Variants in EPB41 observed in about 807,000 individuals in gnomAD.
The protein encoded by EPB41 is protein 4.1.
EPB41 carries 65 observed loss-of-function variants against 108.0 expected under a neutral mutation model. The ratio of observed to expected loss-of-function variants is 0.60; its 90% CI spans 0.49 to 0.74. The LOEUF (loss-of-function observed/expected upper bound fraction) is 0.74. Ranked by LOEUF, EPB41 falls within the 30% of genes least tolerant of loss-of-function variation. EPB41 has a pLI of 0.00. For synonymous variants in EPB41, 336 were observed against 358.9 expected, an observed-to-expected ratio of 0.94 and a Z score of 0.72; for missense variants, 875 against 1,037.0, an observed-to-expected ratio of 0.84 and a Z score of 2.15.
At chr1:29,043,094 G>C (rs936656010) in intron 11 of EPB41, among the ~76,000 whole-genome samples, 1 of 152,152 alleles carries the variant, frequency 6.6e-6, no homozygotes, top group Non-Finnish European at 1.5e-5. Context: ...CCTTCATGGA[G>C]CTTACCTTCT....
chr1:28,952,815 AT>A (rs2094788539), intron 1 of EPB41, among the ~76,000 whole-genome samples: 1 of 152,032 alleles, frequency 6.6e-6, no homozygotes, highest in South Asian at 2.1e-4. Flanking sequence ...TCTTGCGTAA[AT>A]TTAGATGAAG....
chr1:29,087,639 G>A (rs565238996), intron 16 of EPB41, among the ~76,000 whole-genome samples: 1 of 152,194 alleles, frequency 6.6e-6, no homozygotes, highest in Non-Finnish European at 1.5e-5. Context: ...GGGATTGTAG[G>A]CGTGAGCCAC....
chr1:28,929,714 A>G (rs1570777583), intron 1 of EPB41, among the ~76,000 whole-genome samples: 1 of 149,660 alleles, frequency 6.7e-6, no homozygotes, highest in East Asian at 2.0e-4. Flanking sequence ...TATTTTTAGT[A>G]GAGACGGGGT....
intron 20 of EPB41, among the ~76,000 whole-genome samples, chr1:29,116,471 A>C (rs1221769232): frequency 1.3e-5 from 2 of 152,028 alleles, no homozygotes; most frequent in Non-Finnish European, 2.9e-5. Flanking sequence ...GGTATCTTTG[A>C]GCCAGAACCT....
chr1:28,887,636 T>C lies in EPB41; in HGVS notation c.-8+426T>C, dbSNP rs1011472536. ...GGCCCGCAGCAGCGCTGGAGCGGGCTGGCGGCTAGCAGCGGGAGGGGGCTC... is the reference window on the plus strand; with the variant it reads ...GGCCCGCAGCAGCGCTGGAGCGGGCCGGCGGCTAGCAGCGGGAGGGGGCTC... On this transcript the variant is annotated intron_variant, in intron 1 of 16. Coordinates refer to the EPB41 transcript ENST00000347529. The surrounding 1 kb of genome is among the most constrained non-coding windows in gnomAD (Gnocchi z 4.9). 1 of 985,116 alleles carries C rather than the reference T, an allele frequency of 1.0e-6. No homozygotes were observed. The highest frequency in any genetic ancestry group is 4.7e-5 in the South Asian group (1 of 21,280). The allele number at this position is 985,116 out of a possible 1,614,324, so 61.0% of individuals were successfully genotyped here. A position where few individuals can be genotyped will look rare whatever the true frequency, so the allele number is the denominator to read the frequency against.
rs903734147 is a variant in EPB41 at position 28,952,205 on chromosome 1, C to CT, written c.-7-35212dup. 9.8e-3 allele frequency among the ~76,000 whole-genome samples: 1,412 copies of CT among 144,556 alleles called. 10 individuals carry two copies. Among genetic ancestry groups the CT allele is most frequent in the African/African-American group, 0.025 (985 of 39,722 alleles). 94.8% of individuals were successfully genotyped at this position (144,556 alleles called of 152,430 possible). Reference sequence around the variant, plus strand: ...TATCCCTTCCTGGAGTGAGGAGATACTTTTTTTTTTTTTTCTGTCAGTTAT... The same window carrying CT: ...TATCCCTTCCTGGAGTGAGGAGATACTTTTTTTTTTTTTTTCTGTCAGTTAT... On this transcript the variant is annotated intron_variant, in intron 1 of 20. Coordinates refer to ENST00000343067, the MANE Select transcript of EPB41 (RefSeq NM_001376013.1).
At chr1:29,025,783 A>G (rs987093614) in intron 7 of EPB41, among the ~76,000 whole-genome samples, 14 of 151,808 alleles carry the variant, frequency 9.2e-5, no homozygotes, top group South Asian at 4.1e-4. Context: ...GTAGTCATCC[A>G]TGCAGAGGGG....
chr1:28,905,990 T>C (rs2091794067), intron 1 of EPB41, among the ~76,000 whole-genome samples: 1 of 152,016 alleles, frequency 6.6e-6, no homozygotes, highest in Admixed American at 6.6e-5. Flanking sequence ...GCTAATTTTA[T>C]GTATTTTTAG....
At chr1:28,895,438 A>G (rs2090564312) in intron 1 of EPB41, among the ~76,000 whole-genome samples, 1 of 152,072 alleles carries the variant, frequency 6.6e-6, no homozygotes, top group Admixed American at 6.5e-5. Flanking sequence ...ACAGTTCTTT[A>G]GGGGTACAGC....
In EPB41 at chr1:28,887,539, A is replaced by T. The variant is rs1258619073; in HGVS notation, c.-8+329A>T. The T allele has an allele frequency of 1.0e-6, 1 of 984,778 alleles. No individual in the cohort carries two copies. Among genetic ancestry groups the T allele is most frequent in the Non-Finnish European group, 1.2e-6 (1 of 829,750 alleles). The allele number at this position is 984,778 out of a possible 1,614,324, so 61.0% of individuals were successfully genotyped here. ...GTCCTGCATTCGGTGTCCGCGGGAG[A>T]GTCCCTGCAGGTCGGCGCAGCCCCC... On this transcript the variant is annotated intron_variant, in intron 1 of 16. Transcript: ENST00000347529. This position sits in a 1 kb window ranked among gnomAD's most constrained non-coding sequence, Gnocchi z 4.9.
intron 1 of EPB41, 35 bp from the exon 2 acceptor site, chr1:28,987,396 A>G (rs756707361): frequency 1.3e-6 from 2 of 1,595,936 alleles, no homozygotes; most frequent in South Asian, 2.2e-5. Context: ...TGTTTTGCTT[A>G]TAAGAGCCCC....
intron 17 of EPB41, among the ~76,000 whole-genome samples, chr1:29,100,689 TTATAA>T (rs1019454102): frequency 5.5e-5 from 8 of 146,672 alleles, no homozygotes; most frequent in South Asian, 2.1e-4. Flanking sequence ...AATTATATAA[TTATAA>T]TATATATTTA....
chr1:29,056,717 G>A (rs556755208), intron 12 of EPB41, among the ~76,000 whole-genome samples: 47 of 152,058 alleles, frequency 3.1e-4, no homozygotes, highest in Non-Finnish European at 6.0e-4. Flanking sequence ...GTAGAGACAA[G>A]GTTTCACCAT....
intron 17 of EPB41, among the ~76,000 whole-genome samples, chr1:29,103,867 A>G (rs1436657557): frequency 6.6e-6 from 1 of 152,118 alleles, no homozygotes; most frequent in Non-Finnish European, 1.5e-5. Flanking sequence ...GGGTTTTGCC[A>G]CGTTGGTCAG....
intron 3 of EPB41, among the ~76,000 whole-genome samples, chr1:28,996,335 G>A (rs1227933483): frequency 6.6e-6 from 1 of 152,178 alleles, no homozygotes; most frequent in African/African-American, 2.4e-5. Flanking sequence ...CACCACTGAA[G>A]GAGCCACTTC....
At chr1:29,005,881 T>A (rs553146521) in intron 4 of EPB41, among the ~76,000 whole-genome samples, 2 of 152,294 alleles carry the variant, frequency 1.3e-5, no homozygotes, top group South Asian at 4.1e-4. Flanking sequence ...TCTATATTAT[T>A]TGGAAAGTTG....
intron 2 of EPB41, among the ~76,000 whole-genome samples, chr1:28,989,979 G>A (rs958979171): frequency 3.2e-4 from 48 of 151,984 alleles, no homozygotes; most frequent in Non-Finnish European, 2.4e-4. Flanking sequence ...ATTATCGGCC[G>A]GGCGCAGTGG....
At chr1:29,029,346 A>G (rs1485227487) in intron 7 of EPB41, among the ~76,000 whole-genome samples, 1 of 152,194 alleles carries the variant, frequency 6.6e-6, no homozygotes, top group African/African-American at 2.4e-5. Context: ...GCAAATCTGC[A>G]CCCTGTCTCC....
chr1:28,930,150 CTTTTTTTTT>C (rs772932485), intron 1 of EPB41, among the ~76,000 whole-genome samples: 1 of 122,644 alleles, frequency 8.2e-6, no homozygotes, highest in African/African-American at 3.1e-5. Context: ...ATGTTGCTTC[CTTTTTTTTT>C]TTTTTTTTTT....
Sources: gnomAD v4.1 joint callset for allele counts (sites outside exome capture counted in the v4.1 genomes callset) on GRCh38, gnomAD v4.1.1 for gene constraint, Gnocchi (gnomAD v3.1) non-coding constraint, MANE v1.5 for transcripts, NCBI Gene and HGNC (gene_info 2026-07-23, HGNC 2026-07-21) for gene names.